Variants in FBN3 observed in about 807,000 individuals in gnomAD.
The protein encoded by FBN3 is fibrillin-3.
FBN3 carries 234 observed loss-of-function variants against 330.1 expected under a neutral mutation model. The observed-to-expected ratio is 0.71, with a 90% CI of 0.64 to 0.79. The LOEUF (loss-of-function observed/expected upper bound fraction) is 0.79. FBN3 is among the 30% of genes least tolerant of loss of function. The probability of loss-of-function intolerance (pLI) is 0.00; values close to 1 mark genes in which losing one functional copy is unlikely to be tolerated. For missense variants in FBN3, 3,606 were observed against 3,886.9 expected, an observed-to-expected ratio of 0.93 and a Z score of 1.92; for synonymous variants, 1,458 against 1,517.3, an observed-to-expected ratio of 0.96 and a Z score of 0.91.
intron 18 of FBN3, among the ~76,000 whole-genome samples, chr19:8,128,310 TC>T (rs1422840380): frequency 6.6e-6 from 1 of 152,100 alleles, no homozygotes. Context: ...GCGCCTATAA[TC>T]CCAGCACTTT....
chr19:8,141,630 C>A (rs1311713268), intron 8 of FBN3, 87 bp downstream of exon 8: 3 of 1,478,472 alleles, frequency 2.0e-6, no homozygotes, highest in Middle Eastern at 2.4e-4. Context: ...ACCAGCCTGA[C>A]CCCTCTGCCT....
chr19:8,123,350 G>A (rs1213311436), intron 24 of FBN3, 114 bp downstream of exon 24: 65 of 1,176,986 alleles, frequency 5.5e-5, no homozygotes, highest in Non-Finnish European at 7.1e-5. Context: ...GTAAAACTCC[G>A]TCTCGAAAAA....
chr19:8,133,788 T>C (rs2083211496), intron 13 of FBN3, among the ~76,000 whole-genome samples: 1 of 152,076 alleles, frequency 6.6e-6, no homozygotes, highest in Non-Finnish European at 1.5e-5. Context: ...TTAGGTTGTG[T>C]GAATCTTACT....
intron 13 of FBN3, 26 bp downstream of exon 13, chr19:8,135,935 T>TTGGGGGGGGGGGGGGGGCGG: frequency 8.9e-6 from 12 of 1,344,154 alleles, no homozygotes; most frequent in Non-Finnish European, 1.1e-5. Context: ...CGGAAGCCCC[T>TTGGGGGGGGGGGGGGGGCGG]GCCCACCCGC....
At position 8,066,042 on chromosome 19, in the gene FBN3, C is replaced by A. The variant is rs1443616875; in HGVS notation, c.8307G>T (p.Gly2769=). 1 of 1,613,034 alleles carries A rather than the reference C, an allele frequency of 6.2e-7. No homozygotes were observed. The highest frequency in any genetic ancestry group is 2.2e-5 in the East Asian group (1 of 44,896). ...SSLQLGRRRP[G]PGTYRLEVVS... The stretch of plus-strand genomic sequence containing the variant: ...CCACCTCCAGCCGGTAGGTTCCAGG[C>A]CCCGGCCGCCTCCGCCCCAGCTGCA... The change falls in exon 64 of 64, where the codon GGG becomes GGT. Residue 2769 remains glycine (G), a synonymous_variant. Transcript: ENST00000600128.
intron 51 of FBN3, among the ~76,000 whole-genome samples, chr19:8,088,817 GAACA>G (rs1312971014): frequency 2.0e-5 from 3 of 152,196 alleles, no homozygotes; most frequent in East Asian, 1.9e-4. Context: ...ATGAATGAGT[GAACA>G]AACAAGCAAG....
At chr19:8,138,590 A>G (rs375344824) in intron 8 of FBN3, 26 bp from the exon 9 acceptor site, 2 of 1,580,016 alleles carry the variant, frequency 1.3e-6, no homozygotes, top group South Asian at 1.1e-5. Context: ...GGGTGAGCCC[A>G]TGAGCACAGG....
chr19:8,108,143 T>C (rs369867912), intron 37 of FBN3, 27 bp downstream of exon 37: 5 of 1,603,826 alleles, frequency 3.1e-6, no homozygotes, highest in Admixed American at 1.7e-5. Context: ...GGCAGACAGA[T>C]GGATGGATGA....
At position 8,096,122 on chromosome 19, in the gene FBN3, G is replaced by A. The variant is rs756896118; in HGVS notation, c.5540-42C>T. 9.4e-6 allele frequency: 14 copies of A among 1,491,140 alleles called. No homozygotes were observed. The highest frequency in any genetic ancestry group is 6.7e-5 in the Admixed American group (4 of 59,834). The allele number at this position is 1,491,140 out of a possible 1,614,324, so 92.4% of individuals were successfully genotyped here. The stretch of plus-strand genomic sequence containing the variant: ...GAGAGCCCAACCCAGCTCACCCAGG[G>A]CATTGGGGAACTTGGGGAGTGAGAG... On this transcript the variant is annotated intron_variant, in intron 44 of 63. Transcript: ENST00000600128. This position sits in a 1 kb window ranked among gnomAD's most constrained non-coding sequence, Gnocchi z 4.6.
rs927894341 is a variant in FBN3, at chr19:8,149,009, T to A, written c.-18+440A>T. The A allele has an allele frequency of 6.6e-6, 1 of 152,482 alleles. No homozygotes were observed. Among genetic ancestry groups the A allele is most frequent in the Middle Eastern group, 3.4e-3 (1 of 294 alleles). The allele number at this position is 152,482 out of a possible 1,614,324, so 9.4% of individuals were successfully genotyped here. On this transcript the variant is annotated intron_variant, in intron 1 of 63. Coordinates refer to ENST00000600128, the MANE Select transcript of FBN3 (RefSeq NM_032447.5). This position sits in a 1 kb window ranked among gnomAD's most constrained non-coding sequence, Gnocchi z 5.5. ...TGCCTCGGTCCCCCCTACACACCGC[T>A]GCTTCTGCGAGCCACACCCTGGAGT...
intron 14 of FBN3, among the ~76,000 whole-genome samples, chr19:8,132,677 A>G (rs1001831684): frequency 6.6e-6 from 1 of 151,908 alleles, no homozygotes; most frequent in Admixed American, 6.6e-5. Flanking sequence ...TTTTTAGTAG[A>G]GATGGGGTTT....
Position 8,083,485 on chromosome 19 carries a change from C to T in FBN3, c.7088-113G>A. Reference sequence around the variant, plus strand: ...CTCCTCGGAGGAAAGTCCAGCCTCCCTTCCACACCGGCCACTGCACCCCAG... The same window carrying T: ...CTCCTCGGAGGAAAGTCCAGCCTCCTTTCCACACCGGCCACTGCACCCCAG... On this transcript the variant is annotated intron_variant, in intron 56 of 63. Transcript: ENST00000600128. 5 of 1,316,322 alleles carry T rather than the reference C, an allele frequency of 3.8e-6. No homozygotes were observed. In the South Asian group the frequency reaches 3.9e-5, roughly 10 times the overall value. 81.5% of individuals were successfully genotyped at this position (1,316,322 alleles called of 1,614,324 possible).
chr19:8,088,296 C>G (rs1250216881), intron 51 of FBN3, 117 bp from the exon 52 acceptor site: 2 of 1,271,942 alleles, frequency 1.6e-6, no homozygotes, highest in Non-Finnish European at 2.2e-6. Context: ...GAATGCACCT[C>G]TAGTCTGGCT....
At position 8,129,184 on chromosome 19, in the gene FBN3, G is replaced by A. The variant is rs1272326479; in HGVS notation, c.2171-31C>T. 2 of 1,611,910 alleles carry A rather than the reference G, an allele frequency of 1.2e-6. No individual in the cohort carries two copies. The highest frequency in any genetic ancestry group is 1.7e-6 in the Non-Finnish European group (2 of 1,178,986). ...GGGTGGGGGTGGGAGAGAGGGGTGA[G>A]GGGTCTGCAGTGGGAGAGGCTGCCC... is the stretch of plus-strand genomic sequence containing the variant. On this transcript the variant is annotated intron_variant, in intron 17 of 63. Coordinates refer to ENST00000600128, the MANE Select transcript of FBN3 (RefSeq NM_032447.5). The surrounding 1 kb of genome is among the most constrained non-coding windows in gnomAD (Gnocchi z 4.5).
chr19:8,065,636 A>G lies in FBN3; in HGVS notation c.*283T>C. ...AGTGAAAGCCTGAGATTGGCCAGAC[A>G]CGGTGACCACAGGGCCTCTTCCTGA... On this transcript the variant is annotated 3_prime_UTR_variant, in exon 64 of 64. Coordinates refer to ENST00000600128, the MANE Select transcript of FBN3 (RefSeq NM_032447.5). 2 of 449,046 alleles carry G rather than the reference A, an allele frequency of 4.5e-6. No homozygotes were observed. Among genetic ancestry groups the G allele is most frequent in the Admixed American group, 7.9e-5 (2 of 25,228 alleles). 27.8% of individuals were successfully genotyped at this position (449,046 alleles called of 1,614,324 possible). A position where few individuals can be genotyped will look rare whatever the true frequency, so the allele number is the denominator to read the frequency against.
chr19:8,069,641 A>G (rs4804258), intron 63 of FBN3, among the ~76,000 whole-genome samples: 125,237 of 152,124 alleles, frequency 0.82, 51,717 homozygotes, highest in South Asian at 0.93. Flanking sequence ...GCTGGAGTGC[A>G]GAGGTGTGAT....
In FBN3 at chr19:8,123,814, C is replaced by T. The variant is rs1482416330; in HGVS notation, c.2926G>A (p.Asp976Asn). The change falls in exon 23 of 64, where the codon GAC becomes AAC. Residue 976 changes from aspartate to asparagine, a missense_variant. By Grantham distance (23) the Asp-to-Asn change is conservative. Coordinates refer to ENST00000600128, the MANE Select transcript of FBN3 (RefSeq NM_032447.5). ...TAGAATGGTCGGCCAGACAGGAAGTCCCGGCTGGCGAAGCCCAGCCCCCGC... is the reference window on the plus strand; with the variant it reads ...TAGAATGGTCGGCCAGACAGGAAGTTCCGGCTGGCGAAGCCCAGCCCCCGC... ...CPRGLGFASR[D>N]FLSGRPFYKD... The T allele has an allele frequency of 1.9e-6, 3 of 1,613,186 alleles. No individual in the cohort carries two copies. Among genetic ancestry groups the T allele is most frequent in the Non-Finnish European group, 2.5e-6 (3 of 1,179,922 alleles).
chr19:8,097,097 GTGGTTTCTC>G, intron 42 of FBN3, 91 bp from the exon 43 acceptor site: 1 of 1,543,560 alleles, frequency 6.5e-7, no homozygotes, highest in Non-Finnish European at 8.8e-7. Flanking sequence ...TTCGGAGCAG[GTGGTTTCTC>G]TGGAAGCAGC....
chr19:8,088,038 T>C, intron 52 of FBN3, 22 bp downstream of exon 52: 3 of 1,614,020 alleles, frequency 1.9e-6, no homozygotes, highest in Non-Finnish European at 2.5e-6. Flanking sequence ...ACGGCCCAGG[T>C]CCTGGGCAAG....
Sources: gnomAD v4.1 joint callset for allele counts (sites outside exome capture counted in the v4.1 genomes callset) on GRCh38, gnomAD v4.1.1 for gene constraint, Gnocchi (gnomAD v3.1) non-coding constraint, MANE v1.5 for transcripts, NCBI Gene and HGNC (gene_info 2026-07-23, HGNC 2026-07-21) for gene names.